The following SEPTIN7 variants were observed in gnomAD, a reference collection of about 807,000 sequenced individuals.
SEPTIN7 encodes the protein septin-7.
In SEPTIN7, 10 loss-of-function variants were observed where a neutral mutation model predicts 63.3. That is an observed-to-expected ratio of 0.16 (90% CI 0.10 to 0.27). The LOEUF (loss-of-function observed/expected upper bound fraction) is 0.27, where lower values mean the gene tolerates loss of function less well. SEPTIN7 is among the 10% of genes least tolerant of loss of function. The probability of loss-of-function intolerance (pLI) is 1.00; values close to 1 mark genes in which losing one functional copy is unlikely to be tolerated. For missense variants in SEPTIN7, 310 were observed against 521.0 expected (o/e 0.59, Z 3.94); for synonymous variants, 131 against 165.3 (o/e 0.79, Z 1.59).
intron 11 of SEPTIN7, among the ~76,000 whole-genome samples, chr7:35,896,685 AG>A: frequency 6.6e-6 from 1 of 152,370 alleles, no homozygotes; most frequent in South Asian, 2.1e-4. Flanking sequence ...TTTAAAATGC[AG>A]GTTCTTGTTC....
At chr7:35,802,395 G>C (rs1788051361) in intron 1 of SEPTIN7, 1 of 161,332 alleles carries the variant, frequency 6.2e-6, no homozygotes, top group South Asian at 1.7e-4. Flanking sequence ...ACGTCCAGGT[G>C]TTTTCTTAGT....
At position 35,906,597 on chromosome 7, in the gene SEPTIN7, C is replaced by G. The variant is rs968790055; in HGVS notation, c.*2304C>G. On this transcript the variant is annotated 3_prime_UTR_variant, in exon 14 of 14. Transcript: ENST00000350320. ...AGTAAGCACTAATAATACCAGTGAA[C>G]CACTTGGGCACCTTGTGGGTAGAGT... 2 of 152,190 alleles carry G rather than the reference C, an allele frequency of 1.3e-5. No individual in the cohort carries two copies. The highest frequency in any genetic ancestry group is 2.4e-5 in the African/African-American group (1 of 41,434). The allele number at this position is 152,190 out of a possible 1,614,324, so 9.4% of individuals were successfully genotyped here.
intron 1 of SEPTIN7, among the ~76,000 whole-genome samples, chr7:35,803,812 A>G (rs1275788836): frequency 6.6e-6 from 1 of 152,224 alleles, no homozygotes; most frequent in Non-Finnish European, 1.5e-5. Flanking sequence ...TTTAAGGAGC[A>G]GAATTGTAAG....
Position 35,905,294 on chromosome 7 carries a change from A to C in SEPTIN7, c.*1001A>C, listed in dbSNP as rs1296454194. On this transcript the variant is annotated 3_prime_UTR_variant, in exon 14 of 14. Transcript: ENST00000350320. ...TTGTAAAAAATTCACATAATAAACG[A>C]TGTTGTGATGTAATATTGTGTGAGG... The C allele has an allele frequency of 6.6e-6, 1 of 152,602 alleles. No homozygotes were observed. Among genetic ancestry groups the C allele is most frequent in the African/African-American group, 2.4e-5 (1 of 41,436 alleles). The allele number at this position is 152,602 out of a possible 1,614,324, so 9.5% of individuals were successfully genotyped here.
intron 3 of SEPTIN7, among the ~76,000 whole-genome samples, chr7:35,859,089 G>T (rs560625945): frequency 2.6e-4 from 40 of 152,186 alleles, no homozygotes; most frequent in African/African-American, 7.9e-4. Context: ...TCCTTATGGT[G>T]TAAACATAGG....
chr7:35,843,087 A>G (rs932095689), intron 3 of SEPTIN7, among the ~76,000 whole-genome samples: 6 of 152,134 alleles, frequency 3.9e-5, no homozygotes, highest in Non-Finnish European at 8.8e-5. Context: ...CCATATGTGT[A>G]CTTATTTGAT....
intron 4 of SEPTIN7, among the ~76,000 whole-genome samples, chr7:35,870,058 A>G (rs1377380568): frequency 6.6e-6 from 1 of 152,198 alleles, no homozygotes; most frequent in Non-Finnish European, 1.5e-5. Flanking sequence ...ATACTTGTAA[A>G]AGCAGATGAT....
At position 35,883,943 on chromosome 7, in the gene SEPTIN7, G is replaced by A; in HGVS notation, c.776G>A (p.Gly259Asp). The A allele has an allele frequency of 6.2e-7, 1 of 1,610,944 alleles. No individual in the cohort carries two copies. The highest frequency in any genetic ancestry group is 8.5e-7 in the Non-Finnish European group (1 of 1,178,196). Residue 259 changes from glycine to aspartate, a missense_variant, in exon 9 of 14, where the codon GGC (glycine) becomes GAC (aspartate). Transcript: ENST00000350320. ...VGSNTIIEVNGKRVRGRQYPW... is the reference protein window; with the variant it reads ...VGSNTIIEVNDKRVRGRQYPW... ...AGTAATACTATCATTGAAGTTAATG[G>A]CAAAAGGGTCAGAGGAAGGCAGTAT...
At chr7:35,841,671 A>G (rs1784412709) in intron 3 of SEPTIN7, among the ~76,000 whole-genome samples, 1 of 152,230 alleles carries the variant, frequency 6.6e-6, no homozygotes, top group Non-Finnish European at 1.5e-5. Context: ...GTTGGGACAG[A>G]AATATGAAGG....
Position 35,842,565 on chromosome 7 carries a change from A to G in SEPTIN7, c.169+9665A>G, listed in dbSNP as rs376113606. On this transcript the variant is annotated intron_variant, in intron 3 of 13. Transcript: ENST00000350320. ...CTGAAATATAATTGAGATTTTTATC[A>G]TGTCTTTATATTCTGGAGACAGATT... Among the ~76,000 whole-genome samples the G allele has an allele frequency of 1.1e-4, 16 of 152,302 alleles. No individual in the cohort carries two copies. The South Asian group carries it at 2.9e-3, about 28-fold the overall frequency.
At chr7:35,847,942 A>G (rs975583837) in intron 3 of SEPTIN7, 3 of 152,214 alleles carry the variant, frequency 2.0e-5, no homozygotes, top group South Asian at 2.1e-4. Context: ...TGTATAGAAC[A>G]TGCTACCTGA....
chr7:35,890,925 A>T (rs1787599767), intron 11 of SEPTIN7, 132 bp downstream of exon 11: 1 of 708,548 alleles, frequency 1.4e-6, no homozygotes, highest in East Asian at 3.5e-5. Context: ...CAGCAGCATA[A>T]ATTTATATTG....
Position 35,904,250 on chromosome 7 carries a change from T to G in SEPTIN7, c.1275-4T>G. ...ATCTTGCTTATTTTCCTTTTATCCT[T>G]TAGAACCTTGGAAAAGAACAAGAAG... is the stretch of plus-strand genomic sequence containing the variant. On this transcript the variant is annotated splice_region_variant and splice_polypyrimidine_tract_variant and intron_variant, in intron 13 of 13. Coordinates refer to ENST00000350320, the MANE Select transcript of SEPTIN7 (RefSeq NM_001788.6). 2 of 1,551,898 alleles carry G rather than the reference T, an allele frequency of 1.3e-6. No homozygotes were observed. The highest frequency in any genetic ancestry group is 1.7e-6 in the Non-Finnish European group (2 of 1,147,226).
rs542984513 is a variant in SEPTIN7 at position 35,905,836 on chromosome 7, G to A, written c.*1543G>A. The A allele has an allele frequency of 6.6e-6, 1 of 152,188 alleles. No individual in the cohort carries two copies. The highest frequency in any genetic ancestry group is 1.5e-5 in the Non-Finnish European group (1 of 68,036). The allele number at this position is 152,188 out of a possible 1,614,324, so 9.4% of individuals were successfully genotyped here. On this transcript the variant is annotated 3_prime_UTR_variant, in exon 14 of 14. Transcript: ENST00000350320. Reference sequence around the variant, plus strand: ...ATTTTTTTTAACTGTAAAGAGGGTAGTGTCATTTCTTTTCTTAAGGTCAAG... The same window carrying A: ...ATTTTTTTTAACTGTAAAGAGGGTAATGTCATTTCTTTTCTTAAGGTCAAG...
intron 3 of SEPTIN7, among the ~76,000 whole-genome samples, chr7:35,840,074 A>G (rs1784330818): frequency 6.6e-6 from 1 of 151,896 alleles, no homozygotes; most frequent in Admixed American, 6.6e-5. Flanking sequence ...ATACTGGCAA[A>G]TTGTTCCTTT....
At chr7:35,888,626 C>T (rs1308066545) in intron 10 of SEPTIN7, among the ~76,000 whole-genome samples, 2 of 151,898 alleles carry the variant, frequency 1.3e-5, no homozygotes, top group Admixed American at 6.6e-5. Context: ...TCAAGACTGG[C>T]CTGGGCAACA....
Position 35,879,867 on chromosome 7 carries a change from A to G in SEPTIN7, c.557A>G (p.Lys186Arg). 1 of 1,601,352 alleles carries G rather than the reference A, an allele frequency of 6.2e-7. No individual in the cohort carries two copies. Among genetic ancestry groups the G allele is most frequent in the Non-Finnish European group, 8.5e-7 (1 of 1,173,170 alleles). ...DIEFMKRLHE[K>R]VNIIPLIAKA... ...GAGTTTATGAAGCGTTTGCATGAAA[A>G]AGTGAATATCATCCCACTTATTGCC... is the stretch of plus-strand genomic sequence containing the variant. The change falls in exon 7 of 14, where the codon AAA (lysine) becomes AGA (arginine). Residue 186 changes from lysine to arginine, a missense_variant. Lys to Arg is a conservative substitution (Grantham distance 26, BLOSUM62 2). Around this residue, in one of 2 missense-constraint regions of SEPTIN7, gnomAD observed 255 missense variants for 490.5 expected, o/e 0.52. Coordinates refer to ENST00000350320, the MANE Select transcript of SEPTIN7 (RefSeq NM_001788.6).
downstream of SEPTIN7, among the ~76,000 whole-genome samples, chr7:35,907,433 A>C (rs759732680): frequency 1.3e-5 from 2 of 152,182 alleles, no homozygotes; most frequent in African/African-American, 2.4e-5. Context: ...TGGGTAAGTT[A>C]TCTCTTAAGG....
intron 1 of SEPTIN7, chr7:35,802,306 C>T (rs2115609009): frequency 6.0e-6 from 2 of 334,664 alleles, no homozygotes; most frequent in South Asian, 2.6e-5. Flanking sequence ...TTTTCTAGGA[C>T]ATTTCCATTT....
Sources: allele counts gnomAD v4.1 joint callset (sites outside exome capture counted in the v4.1 genomes callset), GRCh38; gene constraint gnomAD v4.1.1; regional missense constraint gnomAD v4.1.1; transcripts MANE v1.5; gene names NCBI Gene and HGNC (gene_info 2026-07-23, HGNC 2026-07-21).